The following KCNT2 variants were observed in gnomAD, a reference collection of about 807,000 sequenced individuals.
The protein encoded by KCNT2 is potassium channel subfamily T member 2.
KCNT2 carries 67 observed loss-of-function variants against 153.8 expected under a neutral mutation model. The observed-to-expected ratio is 0.44, with a 90% CI of 0.36 to 0.53. The LOEUF is 0.53. Among genes scored for constraint, KCNT2 ranks in the 20% least tolerant of loss-of-function variants. KCNT2 has a pLI of 0.00. For synonymous variants in KCNT2, 500 were observed against 458.8 expected (o/e 1.09, Z -1.15); for missense variants, 975 against 1,354.8 (o/e 0.72, Z 4.40).
intron 16 of KCNT2, among the ~76,000 whole-genome samples, chr1:196,335,059 A>C (rs1202729322): frequency 6.6e-6 from 1 of 152,168 alleles, no homozygotes. Context: ...GTAAAAATTA[A>C]TTTTAATATC....
At chr1:196,494,116 C>G (rs1325330093) in intron 1 of KCNT2, among the ~76,000 whole-genome samples, 1 of 152,042 alleles carries the variant, frequency 6.6e-6, no homozygotes, top group Non-Finnish European at 1.5e-5. Flanking sequence ...AGAAACAAAA[C>G]TTCATCGGTG....
intron 10 of KCNT2, 48 bp downstream of exon 10, chr1:196,428,057 T>C (rs1364221334): frequency 2.8e-6 from 4 of 1,421,614 alleles, no homozygotes; most frequent in East Asian, 4.6e-5. Flanking sequence ...TTTGACAATA[T>C]GTTAGTAGGT....
chr1:196,582,521 G>A (rs571784150), intron 1 of KCNT2: 45 of 154,262 alleles, frequency 2.9e-4, no homozygotes, highest in African/African-American at 9.9e-4. Context: ...CAGAAGTGGA[G>A]CTGAGATTTT....
intron 13 of KCNT2, among the ~76,000 whole-genome samples, chr1:196,387,835 A>C (rs1412759718): frequency 1.3e-5 from 2 of 151,470 alleles, no homozygotes; most frequent in African/African-American, 4.8e-5. Flanking sequence ...AGATATATTC[A>C]TTGTGAATAT....
intron 1 of KCNT2, among the ~76,000 whole-genome samples, chr1:196,516,723 G>T (rs1647154553): frequency 6.6e-6 from 1 of 152,206 alleles, no homozygotes; most frequent in African/African-American, 2.4e-5. Context: ...CTGTCAGTGT[G>T]TTCGGGCTGG....
chr1:196,326,614 G>T, intron 19 of KCNT2, 103 bp downstream of exon 19: 2 of 589,832 alleles, frequency 3.4e-6, no homozygotes, highest in Non-Finnish European at 5.6e-6. Flanking sequence ...TAATGTATCT[G>T]ATTTAAAATA....
intron 16 of KCNT2, among the ~76,000 whole-genome samples, chr1:196,336,105 C>T (rs1170069396): frequency 6.6e-6 from 1 of 152,080 alleles, no homozygotes; most frequent in East Asian, 1.9e-4. Context: ...GACAGTTTAG[C>T]TCTTGCATCA....
chr1:196,256,004 G>C (rs1656450745), intron 26 of KCNT2, among the ~76,000 whole-genome samples: 1 of 151,822 alleles, frequency 6.6e-6, no homozygotes, highest in South Asian at 2.1e-4. Flanking sequence ...TCATAACTTT[G>C]TTTTAATCTC....
chr1:196,327,660 A>G (rs1261769729), intron 18 of KCNT2, among the ~76,000 whole-genome samples: 1 of 121,242 alleles, frequency 8.2e-6, no homozygotes, highest in African/African-American at 4.0e-5. Context: ...CCTCTGGAAT[A>G]TTCTGATCTT....
At chr1:196,541,646 A>C (rs993231981) in intron 1 of KCNT2, among the ~76,000 whole-genome samples, 18 of 151,990 alleles carry the variant, frequency 1.2e-4, no homozygotes, top group Non-Finnish European at 2.6e-4. Context: ...ACACAGAAAA[A>C]CTTTGCTGAT....
Position 196,354,227 on chromosome 1 carries a change from A to T in KCNT2, c.1404-11999T>A, listed in dbSNP as rs140798608. ...TTTAAAATTGTAAAATATAATCATT[A>T]GTGGGAGTCTACCTCTTTCACAGCA... On this transcript the variant is annotated intron_variant, in intron 14 of 27. Coordinates refer to ENST00000294725, the MANE Select transcript of KCNT2 (RefSeq NM_198503.5). Among the ~76,000 whole-genome samples, 6 of 151,946 alleles carry T rather than the reference A, an allele frequency of 3.9e-5. No homozygotes were observed. The East Asian group carries it at 9.7e-4, about 24-fold the overall frequency.
chr1:196,323,186 G>A (rs1467977607), intron 19 of KCNT2, among the ~76,000 whole-genome samples: 1 of 151,830 alleles, frequency 6.6e-6, no homozygotes, highest in Non-Finnish European at 1.5e-5. Flanking sequence ...TAAGAACACT[G>A]ACATCAGGGA....
intron 1 of KCNT2, among the ~76,000 whole-genome samples, chr1:196,599,949 G>A (rs1025789152): frequency 3.9e-5 from 6 of 152,136 alleles, no homozygotes; most frequent in African/African-American, 1.4e-4. Context: ...TCCCAGTCAA[G>A]AGAGACAAAT....
intron 13 of KCNT2, among the ~76,000 whole-genome samples, chr1:196,384,854 G>T (rs995717798): frequency 4.0e-5 from 6 of 151,726 alleles, no homozygotes; most frequent in Non-Finnish European, 7.4e-5. Flanking sequence ...TTGGCCACTG[G>T]TTATCTTTTA....
chr1:196,298,230 AAAGACTCCAC>A (rs1660857676), intron 22 of KCNT2, among the ~76,000 whole-genome samples: 1 of 152,184 alleles, frequency 6.6e-6, no homozygotes, highest in South Asian at 2.1e-4. Context: ...TGGAGTTGGC[AAAGACTCCAC>A]AAGTTAAGGG....
chr1:196,487,810 A>G (rs1230726308), intron 3 of KCNT2, among the ~76,000 whole-genome samples: 1 of 152,000 alleles, frequency 6.6e-6, no homozygotes, highest in Non-Finnish European at 1.5e-5. Context: ...CAAATACCAT[A>G]AAATAGAAGC....
intron 12 of KCNT2, among the ~76,000 whole-genome samples, chr1:196,417,892 T>C (rs558353184): frequency 6.6e-6 from 1 of 152,196 alleles, no homozygotes; most frequent in South Asian, 2.1e-4. Context: ...CACTAGGCAA[T>C]AGGAATTTTT....
intron 1 of KCNT2, among the ~76,000 whole-genome samples, chr1:196,557,187 C>A (rs1658791116): frequency 6.6e-6 from 1 of 151,004 alleles, no homozygotes; most frequent in African/African-American, 2.4e-5. Flanking sequence ...GGTATAGATA[C>A]CCTATTTTCC....
chr1:196,301,116 C>T (rs1269922862), intron 22 of KCNT2, among the ~76,000 whole-genome samples: 4 of 152,200 alleles, frequency 2.6e-5, no homozygotes, highest in Non-Finnish European at 4.4e-5. Context: ...TCTGTCAACA[C>T]ACCTGAACAG....
Sources: allele counts gnomAD v4.1 joint callset (sites outside exome capture counted in the v4.1 genomes callset), GRCh38; gene constraint gnomAD v4.1.1; transcripts MANE v1.5; gene names NCBI Gene and HGNC (gene_info 2026-07-23, HGNC 2026-07-21).